The following MGST1 variants were observed in gnomAD, a reference collection of about 807,000 sequenced individuals.
The protein encoded by MGST1 is glutathione S-transferase 12.
In MGST1, 5 loss-of-function variants were observed where a neutral mutation model predicts 8.9. That is an observed-to-expected ratio of 0.56 (90% CI 0.29 to 1.19). The LOEUF is 1.19. Ranked by LOEUF, MGST1 falls within the 50% of genes most tolerant of loss-of-function variation. The probability of loss-of-function intolerance (pLI) is 0.08; values close to 1 mark genes in which losing one functional copy is unlikely to be tolerated. For synonymous variants in MGST1, 54 were observed against 67.8 expected (o/e 0.80, Z 1.00); for missense variants, 182 against 187.4 (o/e 0.97, Z 0.17).
chr12:16,362,776 C>G lies in MGST1; in HGVS notation c.222-1019C>G, dbSNP rs578020085. ...CAGCCTGGGCAACATAGCAAGACCC[C>G]ATCTCTAAAAAGAAAATTTAAAAAA... On this transcript the variant is annotated intron_variant, in intron 3 of 3. Coordinates refer to ENST00000396210, the MANE Select transcript of MGST1 (RefSeq NM_020300.5). This position sits in a 1 kb window ranked among gnomAD's most constrained non-coding sequence, Gnocchi z 4.4. The G allele has an allele frequency of 6.6e-6, 1 of 152,252 alleles. No homozygotes were observed. Among genetic ancestry groups the G allele is most frequent in the South Asian group, 2.1e-4 (1 of 4,822 alleles). The allele number at this position is 152,252 out of a possible 1,614,324, so 9.4% of individuals were successfully genotyped here.
intron 4 of MGST1, among the ~76,000 whole-genome samples, chr12:16,568,728 T>C (rs1405226977): frequency 6.6e-6 from 1 of 152,260 alleles, no homozygotes; most frequent in East Asian, 1.9e-4. Context: ...TTGGCTACTT[T>C]GGCTACTAGA....
At chr12:16,421,370 ATTGTT>A (rs779875091) in intron 1 of MGST1, among the ~76,000 whole-genome samples, 2 of 152,292 alleles carry the variant, frequency 1.3e-5, no homozygotes, top group East Asian at 1.9e-4. Flanking sequence ...TAATCAAATT[ATTGTT>A]TTGTTCTCCG....
At chr12:16,505,130 G>C (rs1261845422) in intron 4 of MGST1, among the ~76,000 whole-genome samples, 3 of 151,912 alleles carry the variant, frequency 2.0e-5, no homozygotes, top group Non-Finnish European at 4.4e-5. Context: ...CATCCCAGAG[G>C]GCAATCTCAA....
chr12:16,409,864 C>T (rs1363334998), intron 1 of MGST1, among the ~76,000 whole-genome samples: 1 of 152,144 alleles, frequency 6.6e-6, no homozygotes, highest in Non-Finnish European at 1.5e-5. Flanking sequence ...CAATCTGGCA[C>T]CCATTTAACC....
rs1362282077 is a variant in MGST1 at position 16,395,796 on chromosome 12, T to TAC, written n.778+12193_778+12194insCA. On this transcript the variant is annotated intron_variant and non_coding_transcript_variant, in intron 1 of 1. Coordinates refer to the MGST1 transcript ENST00000359720. ...GTATTCCATCATATATATATATATA[T>TAC]ATATATATACACACACACACACACA... Among the ~76,000 whole-genome samples, 227 of 134,588 alleles carry TAC rather than the reference T, an allele frequency of 1.7e-3. 1 individual carries two copies. Among genetic ancestry groups the TAC allele is most frequent in the Middle Eastern group, 7.5e-3 (2 of 266 alleles). The allele number at this position is 134,588 out of a possible 152,430, so 88.3% of individuals were successfully genotyped here. A position where few individuals can be genotyped will look rare whatever the true frequency, so the allele number is the denominator to read the frequency against.
chr12:16,579,499 T>A (rs540738889), intron 4 of MGST1, among the ~76,000 whole-genome samples: 1 of 152,348 alleles, frequency 6.6e-6, no homozygotes, highest in African/African-American at 2.4e-5. Context: ...CGCAGATGTA[T>A]AAGTGAATAG....
chr12:16,431,608 G>A (rs192270037), intron 1 of MGST1, among the ~76,000 whole-genome samples: 45 of 152,178 alleles, frequency 3.0e-4, no homozygotes, highest in African/African-American at 8.9e-4. Context: ...TCTTGTATGG[G>A]CGCAGTTCAC....
intron 4 of MGST1, chr12:16,567,588 G>T (rs1284285457): frequency 6.6e-6 from 1 of 152,204 alleles, no homozygotes; most frequent in African/African-American, 2.4e-5. Context: ...TAGAGGGTGA[G>T]CAGAAGCCTC....
chr12:16,507,705 CAGAG>C (rs1025028419), intron 4 of MGST1, among the ~76,000 whole-genome samples: 58 of 152,040 alleles, frequency 3.8e-4, no homozygotes, highest in Non-Finnish European at 6.9e-4. Flanking sequence ...GAGCAGGAGA[CAGAG>C]AGAGAAGGGG....
rs1375049382 is a variant in MGST1, at chr12:16,555,321, T to A, written n.483-34207T>A. Among the ~76,000 whole-genome samples the A allele has an allele frequency of 6.6e-6, 1 of 152,212 alleles. No homozygotes were observed. Among genetic ancestry groups the A allele is most frequent in the African/African-American group, 2.4e-5 (1 of 41,460 alleles). On this transcript the variant is annotated intron_variant and non_coding_transcript_variant, in intron 4 of 4. Transcript: ENST00000538857. The surrounding 1 kb of genome is among the most constrained non-coding windows in gnomAD (Gnocchi z 5.5). ...CTTCTGACCATGTAAATTTGCTTAT[T>A]CTGATGTTTCCCAAAGCACTTATTT...
downstream of MGST1, among the ~76,000 whole-genome samples, chr12:16,369,086 C>T (rs74063763): frequency 3.0e-4 from 45 of 151,982 alleles, no homozygotes; most frequent in South Asian, 5.2e-3. The surrounding 1 kb of genome is among the most constrained non-coding windows in gnomAD (Gnocchi z 4.8). Flanking sequence ...GAAGCAAAAC[C>T]ACCCAAAATA....
intron 4 of MGST1, among the ~76,000 whole-genome samples, chr12:16,483,354 C>T (rs1050231241): frequency 3.3e-5 from 5 of 151,780 alleles, no homozygotes; most frequent in African/African-American, 1.2e-4. Context: ...ATGATAAAAT[C>T]ATAATGTTAA....
At chr12:16,579,944 T>C (rs1183194087) in intron 4 of MGST1, among the ~76,000 whole-genome samples, 1 of 152,180 alleles carries the variant, frequency 6.6e-6, no homozygotes, top group African/African-American at 2.4e-5. Context: ...GGTATTTAAG[T>C]AATGTTGCAC....
chr12:16,504,730 A>T (rs1429507804), intron 4 of MGST1, among the ~76,000 whole-genome samples: 1 of 152,142 alleles, frequency 6.6e-6, no homozygotes, highest in Admixed American at 6.5e-5. Flanking sequence ...GAACATCTTC[A>T]ATTACCTTTC....
At chr12:16,427,815 T>G (rs1260021702) in intron 1 of MGST1, among the ~76,000 whole-genome samples, 4 of 152,226 alleles carry the variant, frequency 2.6e-5, no homozygotes, top group African/African-American at 9.6e-5. Flanking sequence ...ACTTATTTTT[T>G]TAATGTTTTT....
At chr12:16,433,066 C>T (rs1168919963) in intron 1 of MGST1, among the ~76,000 whole-genome samples, 1 of 152,070 alleles carries the variant, frequency 6.6e-6, no homozygotes, top group Non-Finnish European at 1.5e-5. Context: ...TGAGGTTCCA[C>T]ATTAGGCCGT....
chr12:16,514,649 C>T (rs1941599988), intron 4 of MGST1, among the ~76,000 whole-genome samples: 1 of 149,864 alleles, frequency 6.7e-6, no homozygotes, highest in Non-Finnish European at 1.5e-5. Context: ...TTGTCCATAC[C>T]ATTCACCAGG....
downstream of MGST1, among the ~76,000 whole-genome samples, chr12:16,591,433 A>G (rs1235824846): frequency 6.6e-6 from 1 of 151,854 alleles, no homozygotes; most frequent in South Asian, 2.1e-4. This position sits in a 1 kb window ranked among gnomAD's most constrained non-coding sequence, Gnocchi z 4.1. Flanking sequence ...TTTTCTCCTC[A>G]TTGTGTTTAT....
chr12:16,552,090 G>T (rs1428842625), intron 4 of MGST1, among the ~76,000 whole-genome samples: 1 of 152,016 alleles, frequency 6.6e-6, no homozygotes, highest in Admixed American at 6.6e-5. Flanking sequence ...ATTGTTTAAT[G>T]TGCAAGACTG....
Sources: allele counts gnomAD v4.1 joint callset (sites outside exome capture counted in the v4.1 genomes callset), GRCh38; gene constraint gnomAD v4.1.1; non-coding constraint Gnocchi (gnomAD v3.1); transcripts MANE v1.5; gene names NCBI Gene and HGNC (gene_info 2026-07-23, HGNC 2026-07-21).